SEMA3E: variants seen among roughly 807,000 people sequenced by gnomAD.
SEMA3E encodes the protein semaphorin-3E.
In SEMA3E, 49 loss-of-function variants were observed where a neutral mutation model predicts 93.6. The observed-to-expected ratio is 0.52, with a 90% CI of 0.42 to 0.66. The LOEUF (loss-of-function observed/expected upper bound fraction) is 0.66. Among genes scored for constraint, SEMA3E ranks in the 30% least tolerant of loss-of-function variants. The pLI is 0.00. For missense variants in SEMA3E, 906 were observed against 964.8 expected, an observed-to-expected ratio of 0.94 and a Z score of 0.81; for synonymous variants, 363 against 330.7, an observed-to-expected ratio of 1.10 and a Z score of -1.06.
At chr7:83,603,384 C>T (rs1793039347) in intron 1 of SEMA3E, among the ~76,000 whole-genome samples, 1 of 152,034 alleles carries the variant, frequency 6.6e-6, no homozygotes, top group Admixed American at 6.6e-5. Context: ...GTGACAGGTC[C>T]TTTTTGAAAA....
intron 1 of SEMA3E, among the ~76,000 whole-genome samples, chr7:83,614,432 G>A (rs1411770025): frequency 2.0e-5 from 3 of 152,112 alleles, no homozygotes; most frequent in Non-Finnish European, 1.5e-5. Flanking sequence ...AGTGACACCT[G>A]AACATAATTT....
intron 4 of SEMA3E, among the ~76,000 whole-genome samples, chr7:83,424,653 G>C (rs897867872): frequency 3.3e-5 from 5 of 152,180 alleles, no homozygotes; most frequent in African/African-American, 1.2e-4. Flanking sequence ...CCTGGAACCT[G>C]TGAATATGTT....
At chr7:83,433,470 C>T (rs558292360) in intron 4 of SEMA3E, among the ~76,000 whole-genome samples, 21 of 152,070 alleles carry the variant, frequency 1.4e-4, no homozygotes, top group Non-Finnish European at 2.4e-4. Flanking sequence ...AAGCTCCTAA[C>T]TAAAGTTTCT....
At chr7:83,529,025 G>C (rs1791229055) in intron 1 of SEMA3E, among the ~76,000 whole-genome samples, 1 of 152,004 alleles carries the variant, frequency 6.6e-6, no homozygotes, top group South Asian at 2.1e-4. Flanking sequence ...TATTCAAGTT[G>C]CCCATTTACC....
intron 1 of SEMA3E, among the ~76,000 whole-genome samples, chr7:83,556,719 G>T (rs1791902496): frequency 6.6e-6 from 1 of 152,148 alleles, no homozygotes; most frequent in African/African-American, 2.4e-5. Context: ...TTGAATGTTT[G>T]TGTCCTCTCC....
chr7:83,458,971 G>GTATA (rs767682494), intron 4 of SEMA3E, among the ~76,000 whole-genome samples: 1 of 63,902 alleles, frequency 1.6e-5, no homozygotes, highest in Non-Finnish European at 4.2e-5. Flanking sequence ...GTGTGTGTGT[G>GTATA]TGTATATATA....
At position 83,463,397 on chromosome 7, in the gene SEMA3E, A is replaced by T. The variant is rs1789675089; in HGVS notation, c.456+3085T>A. Reference sequence around the variant, plus strand: ...CTCTCTACAGTTCTCATAACTTCCAAAATCTATTTTCTTCCTCATACCTGA... The same window carrying T: ...CTCTCTACAGTTCTCATAACTTCCATAATCTATTTTCTTCCTCATACCTGA... On this transcript the variant is annotated intron_variant, in intron 4 of 16. Coordinates refer to ENST00000643230, the MANE Select transcript of SEMA3E (RefSeq NM_012431.3). Among the ~76,000 whole-genome samples, 5 of 152,178 alleles carry T rather than the reference A, an allele frequency of 3.3e-5. No homozygotes were observed. In the South Asian group the frequency reaches 1.0e-3, roughly 32 times the overall value.
chr7:83,403,331 T>C (rs933216033), intron 9 of SEMA3E, among the ~76,000 whole-genome samples: 4 of 151,930 alleles, frequency 2.6e-5, no homozygotes, highest in African/African-American at 9.7e-5. Flanking sequence ...AATATGCTTG[T>C]ATATTCCTTC....
intron 1 of SEMA3E, among the ~76,000 whole-genome samples, chr7:83,519,117 C>T (rs1002465829): frequency 6.6e-6 from 1 of 151,860 alleles, no homozygotes; most frequent in African/African-American, 2.4e-5. Flanking sequence ...GCTATCCCTC[C>T]CCGCTACCCC....
intron 1 of SEMA3E, among the ~76,000 whole-genome samples, chr7:83,557,176 A>G (rs1374953967): frequency 1.3e-5 from 2 of 152,096 alleles, no homozygotes; most frequent in African/African-American, 4.8e-5. Flanking sequence ...TTATTTGAAA[A>G]TGAATATTCT....
intron 1 of SEMA3E, among the ~76,000 whole-genome samples, chr7:83,571,770 G>A (rs1166435578): frequency 1.3e-5 from 2 of 152,172 alleles, no homozygotes; most frequent in Non-Finnish European, 2.9e-5. Context: ...AAGAGGAAAA[G>A]AAGAATTCAA....
chr7:83,476,930 C>T (rs953104525), intron 2 of SEMA3E, among the ~76,000 whole-genome samples: 3 of 152,016 alleles, frequency 2.0e-5, no homozygotes, highest in African/African-American at 4.8e-5. Flanking sequence ...TTAATCATTC[C>T]GCTGCACATT....
intron 1 of SEMA3E, among the ~76,000 whole-genome samples, chr7:83,623,408 C>G (rs942128541): frequency 1.5e-4 from 23 of 151,944 alleles, no homozygotes; most frequent in Non-Finnish European, 2.4e-4. Flanking sequence ...CAACATGAAC[C>G]CATTCTTATA....
intron 1 of SEMA3E, among the ~76,000 whole-genome samples, chr7:83,495,121 G>C (rs1790462633): frequency 6.6e-6 from 1 of 151,718 alleles, no homozygotes; most frequent in South Asian, 2.1e-4. Context: ...TAAATAAGTT[G>C]GCCTGCTGTC....
In SEMA3E at chr7:83,448,916, T is replaced by C. The variant is rs376819108; in HGVS notation, c.456+17566A>G. Among the ~76,000 whole-genome samples the C allele has an allele frequency of 1.5e-4, 23 of 152,260 alleles. 1 individual carries two copies. Among genetic ancestry groups the C allele is most frequent in the African/African-American group, 4.8e-4 (20 of 41,564 alleles). ...ATTGACTTATTATGGACACTGCCCC[T>C]TATATCAAGAATTATGTTACAATTA... is the stretch of plus-strand genomic sequence containing the variant. On this transcript the variant is annotated intron_variant, in intron 4 of 16. Transcript: ENST00000643230.
At chr7:83,608,910 T>C (rs1793186987) in intron 1 of SEMA3E, among the ~76,000 whole-genome samples, 1 of 152,140 alleles carries the variant, frequency 6.6e-6, no homozygotes, top group South Asian at 2.1e-4. Flanking sequence ...GTGGTATAAC[T>C]TGCAGCATAG....
chr7:83,515,497 G>C (rs1317716715), intron 1 of SEMA3E, among the ~76,000 whole-genome samples: 2 of 152,112 alleles, frequency 1.3e-5, no homozygotes, highest in Non-Finnish European at 2.9e-5. Context: ...GAGGAGTGGA[G>C]AGTATGAGAT....
intron 9 of SEMA3E, among the ~76,000 whole-genome samples, chr7:83,403,674 T>G (rs933902634): frequency 1.1e-4 from 17 of 152,130 alleles, no homozygotes; most frequent in African/African-American, 3.8e-4. Flanking sequence ...TTCAAAGTTC[T>G]ATATAAATAA....
At chr7:83,378,604 A>G (rs1432792289) in intron 16 of SEMA3E, among the ~76,000 whole-genome samples, 1 of 151,796 alleles carries the variant, frequency 6.6e-6, no homozygotes, top group Non-Finnish European at 1.5e-5. Context: ...TTAACATCCC[A>G]CTTCACACAT....
Sources: gnomAD v4.1 joint callset for allele counts (sites outside exome capture counted in the v4.1 genomes callset) on GRCh38, gnomAD v4.1.1 for gene constraint, MANE v1.5 for transcripts, NCBI Gene and HGNC (gene_info 2026-07-23, HGNC 2026-07-21) for gene names.